The following EEF1G variants were observed in gnomAD, a reference collection of about 807,000 sequenced individuals.
The protein encoded by EEF1G is elongation factor 1-gamma.
A neutral mutation model predicts 58.3 loss-of-function variants in EEF1G; 14 were observed. The observed-to-expected ratio is 0.24, with a 90% CI of 0.16 to 0.38. EEF1G has a LOEUF of 0.38. Among genes scored for constraint, EEF1G ranks in the 10% least tolerant of loss-of-function variants. The pLI is 1.00. For missense variants in EEF1G, 322 were observed against 550.1 expected (o/e 0.59, Z 4.15); for synonymous variants, 180 against 206.8 (o/e 0.87, Z 1.11).
intron 1 of EEF1G, 74 bp from the exon 2 acceptor site, chr11:62,572,816 T>C (rs904901926): frequency 2.1e-6 from 3 of 1,413,590 alleles, no homozygotes; most frequent in African/African-American, 1.4e-5. Flanking sequence ...CCAGGATGAC[T>C]TTCCTGAATA....
chr11:62,565,856 T>C (rs1941549487), intron 7 of EEF1G, among the ~76,000 whole-genome samples: 2 of 152,320 alleles, frequency 1.3e-5, no homozygotes, highest in South Asian at 4.1e-4. Context: ...CACAATTCTA[T>C]GCACAGCTAC....
At chr11:62,570,360 C>T (rs890024509) in intron 5 of EEF1G, among the ~76,000 whole-genome samples, 2 of 152,150 alleles carry the variant, frequency 1.3e-5, no homozygotes, top group African/African-American at 4.8e-5. Flanking sequence ...CAGTGCCTGG[C>T]CTGCCTCCAA....
intron 5 of EEF1G, among the ~76,000 whole-genome samples, chr11:62,570,042 T>C (rs1256192736): frequency 1.3e-5 from 2 of 151,374 alleles, no homozygotes; most frequent in African/African-American, 2.4e-5. Flanking sequence ...CCTGTATCTG[T>C]CTCCAAAAGA....
intron 5 of EEF1G, 149 bp downstream of exon 5, chr11:62,570,816 A>C: frequency 9.3e-7 from 1 of 1,074,604 alleles, no homozygotes; most frequent in South Asian, 1.4e-5. Flanking sequence ...TCGGCCCCCC[A>C]GTGTGCTCGG....
chr11:62,559,932 C>A, intron 9 of EEF1G, 95 bp from the exon 10 acceptor site: 1 of 1,607,242 alleles, frequency 6.2e-7, no homozygotes, highest in Non-Finnish European at 8.5e-7. Flanking sequence ...GACCCCAGGT[C>A]TCCTGTGAAC....
At chr11:62,572,827 A>T in intron 1 of EEF1G, 85 bp from the exon 2 acceptor site, 1 of 1,290,956 alleles carries the variant, frequency 7.7e-7, no homozygotes, top group African/African-American at 1.5e-5. Flanking sequence ...TTCCTGAATA[A>T]TCCCAATGTA....
chr11:62,567,343 C>A, intron 6 of EEF1G, 56 bp downstream of exon 6: 1 of 1,545,386 alleles, frequency 6.5e-7, no homozygotes, highest in Admixed American at 2.1e-5. Flanking sequence ...GGGGTTGATG[C>A]AGAGCAAACC....
At chr11:62,561,426 A>C (rs1051957183) in intron 7 of EEF1G, among the ~76,000 whole-genome samples, 9 of 150,242 alleles carry the variant, frequency 6.0e-5, no homozygotes, top group African/African-American at 2.0e-4. Context: ...TGTAATCCCA[A>C]CACTTTGGGA....
intron 7 of EEF1G, among the ~76,000 whole-genome samples, chr11:62,561,113 A>C (rs1453981869): frequency 6.6e-6 from 1 of 152,170 alleles, no homozygotes; most frequent in Non-Finnish European, 1.5e-5. Flanking sequence ...CCAGTTATAA[A>C]CATATACACT....
Position 62,560,281 on chromosome 11 carries a change from C to T in EEF1G, c.1030+1G>A. 1 of 1,613,692 alleles carries T rather than the reference C, an allele frequency of 6.2e-7. No individual in the cohort carries two copies. The highest frequency in any genetic ancestry group is 8.5e-7 in the Non-Finnish European group (1 of 1,179,764). On this transcript the variant is annotated splice_donor_variant, in intron 8 of 9. Transcript: ENST00000329251. LOFTEE classifies it high-confidence loss of function. ...CTTCCTTCTCAGACCCACTCTCTTA[C>T]CAGTGATGAGATTGCAGCTCATGAA... is the stretch of plus-strand genomic sequence containing the variant.
At chr11:62,562,137 C>T (rs1656994598) in intron 7 of EEF1G, among the ~76,000 whole-genome samples, 1 of 152,202 alleles carries the variant, frequency 6.6e-6, no homozygotes, top group African/African-American at 2.4e-5. Flanking sequence ...AACCATTTGT[C>T]TTTTAAATTG....
chr11:62,567,249 C>G lies in EEF1G; in HGVS notation c.652+150G>C, dbSNP rs17157390. ...AAATTAGTCAGGGTATGAGTGTACA[C>G]GAAACTGCACATAATATTAGCTACC... On this transcript the variant is annotated intron_variant, in intron 6 of 9. Coordinates refer to ENST00000329251, the MANE Select transcript of EEF1G (RefSeq NM_001404.5). 2.6e-6 allele frequency: 3 copies of G among 1,134,270 alleles called. No homozygotes were observed. The Admixed American group carries it at 8.6e-5, about 33-fold the overall frequency. 70.3% of individuals were successfully genotyped at this position (1,134,270 alleles called of 1,614,324 possible).
At chr11:62,569,076 T>TACACACACGCACAC (rs1555043664) in intron 5 of EEF1G, among the ~76,000 whole-genome samples, 5 of 143,810 alleles carry the variant, frequency 3.5e-5, no homozygotes, top group African/African-American at 5.0e-5. Context: ...GGCCATACTA[T>TACACACACGCACAC]ACACACACGC....
rs11549631 is a variant in EEF1G, at chr11:62,566,992, G to T, written c.671C>A (p.Thr224Asn). 6.2e-7 allele frequency: 1 copy of T among 1,613,930 alleles called. No homozygotes were observed. The highest frequency in any genetic ancestry group is 8.5e-7 in the Non-Finnish European group (1 of 1,179,898). Reference sequence around the variant, plus strand: ...CCGTGGTGTGTCCTTTTTAGGTTGGGTCTCTGCAAACTTTTTAGCTGGTGC... The same window carrying T: ...CCGTGGTGTGTCCTTTTTAGGTTGGTTCTCTGCAAACTTTTTAGCTGGTGC... ...AQFDAKKFAE[T>N]QPKKDTPRKE... Residue 224 changes from threonine (T) to asparagine (N), a missense_variant, in exon 7 of 10, where the codon ACC becomes AAC. Coordinates refer to ENST00000329251, the MANE Select transcript of EEF1G (RefSeq NM_001404.5).
chr11:62,566,328 T>G (rs1426996448), intron 7 of EEF1G, among the ~76,000 whole-genome samples: 1 of 152,226 alleles, frequency 6.6e-6, no homozygotes, highest in African/African-American at 2.4e-5. Flanking sequence ...TTCATCCTTT[T>G]TCTTAGTGAG....
intron 5 of EEF1G, among the ~76,000 whole-genome samples, chr11:62,569,656 G>GA (rs1188467494): frequency 2.0e-5 from 3 of 151,948 alleles, no homozygotes; most frequent in Non-Finnish European, 4.4e-5. Context: ...ACCAGAAGAG[G>GA]AAAAAAAATC....
intron 5 of EEF1G, among the ~76,000 whole-genome samples, chr11:62,570,721 A>AT (rs1941616854): frequency 6.6e-6 from 1 of 151,598 alleles, no homozygotes; most frequent in Non-Finnish European, 1.5e-5. Context: ...CACCTGGCTA[A>AT]TTTTTTGTAT....
At chr11:62,560,009 A>G in intron 9 of EEF1G, 60 bp downstream of exon 9, 1 of 1,610,662 alleles carries the variant, frequency 6.2e-7, no homozygotes, top group Non-Finnish European at 8.5e-7. Context: ...GAAATAAAAC[A>G]CAGTGCTTCT....
At position 62,572,713 on chromosome 11, in the gene EEF1G, C is replaced by G; in HGVS notation, c.42G>C (p.Arg14Ser). 1 of 1,613,446 alleles carries G rather than the reference C, an allele frequency of 6.2e-7. No individual in the cohort carries two copies. Among genetic ancestry groups the G allele is most frequent in the Non-Finnish European group, 8.5e-7 (1 of 1,179,706 alleles). Residue 14 changes from arginine (R) to serine (S), a missense_variant, in exon 2 of 10, where the codon AGG becomes AGC. This residue lies in a region of EEF1G where 62 missense variants were observed against 87.0 expected (regional missense o/e 0.71). Coordinates refer to ENST00000329251, the MANE Select transcript of EEF1G (RefSeq NM_001404.5). The stretch of plus-strand genomic sequence containing the variant: ...GAGCAGCGATGAGAGCCTTGAAGGC[C>G]CTCCAGTTTTCAGGATACGTGTACA... ...GTLYTYPENWRAFKALIAAQY... is the reference protein window; with the variant it reads ...GTLYTYPENWSAFKALIAAQY...
Sources: allele counts gnomAD v4.1 joint callset (sites outside exome capture counted in the v4.1 genomes callset), GRCh38; gene constraint gnomAD v4.1.1; regional missense constraint gnomAD v4.1.1; transcripts MANE v1.5; gene names NCBI Gene and HGNC (gene_info 2026-07-23, HGNC 2026-07-21).